Variants in SRPK2 observed in about 807,000 individuals in gnomAD.
SRPK2 encodes SFRS protein kinase 2.
A neutral mutation model predicts 90.8 loss-of-function variants in SRPK2; 21 were observed. The observed-to-expected ratio is 0.23, with a 90% CI of 0.16 to 0.33. The LOEUF (loss-of-function observed/expected upper bound fraction) is 0.33, where lower values mean the gene tolerates loss of function less well. Ranked by LOEUF, SRPK2 falls within the 10% of genes least tolerant of loss-of-function variation. SRPK2 has a pLI of 1.00. For synonymous variants in SRPK2, 288 were observed against 311.1 expected (o/e 0.93, Z 0.78); for missense variants, 620 against 869.0 (o/e 0.71, Z 3.60).
intron 7 of SRPK2, among the ~76,000 whole-genome samples, chr7:105,156,205 T>C (rs1395982712): frequency 6.6e-6 from 1 of 152,208 alleles, no homozygotes; most frequent in Non-Finnish European, 1.5e-5. Context: ...GGTAAACCCA[T>C]GAGCTCTGAA....
intron 2 of SRPK2, among the ~76,000 whole-genome samples, chr7:105,378,243 T>A (rs1264316831): frequency 6.6e-6 from 1 of 152,116 alleles, no homozygotes. Flanking sequence ...CAGTTTAGAA[T>A]GCCCTCCTGA....
intron 11 of SRPK2, among the ~76,000 whole-genome samples, chr7:105,135,599 C>T (rs1255405020): frequency 2.0e-5 from 3 of 152,120 alleles, no homozygotes; most frequent in East Asian, 3.8e-4. Flanking sequence ...GAACAGTAGC[C>T]GAGTTGGCTG....
chr7:105,132,159 C>T (rs1445630770), intron 13 of SRPK2, among the ~76,000 whole-genome samples: 1 of 152,246 alleles, frequency 6.6e-6, no homozygotes, highest in African/African-American at 2.4e-5. Context: ...TCATCTCAAC[C>T]ACTCTGGGAA....
chr7:105,119,848 G>A (rs1307108647), intron 15 of SRPK2, among the ~76,000 whole-genome samples: 5 of 152,162 alleles, frequency 3.3e-5, no homozygotes, highest in African/African-American at 7.2e-5. Context: ...GCAAAATTAC[G>A]AAGAGCCAGT....
intron 2 of SRPK2, among the ~76,000 whole-genome samples, chr7:105,295,935 G>A (rs911343684): frequency 1.3e-5 from 2 of 152,128 alleles, no homozygotes; most frequent in African/African-American, 4.8e-5. Context: ...TATAAACACT[G>A]CTAGCAAATG....
At chr7:105,171,251 T>A (rs891690831) in intron 3 of SRPK2, among the ~76,000 whole-genome samples, 4 of 152,216 alleles carry the variant, frequency 2.6e-5, no homozygotes, top group Non-Finnish European at 5.9e-5. Context: ...ATGGATAATA[T>A]GGTACACTTT....
intron 11 of SRPK2, among the ~76,000 whole-genome samples, chr7:105,137,286 C>A (rs1241374046): frequency 5.3e-5 from 8 of 152,182 alleles, no homozygotes; most frequent in African/African-American, 1.4e-4. Flanking sequence ...TGCCAGGGAA[C>A]ACACTGGAGA....
intron 2 of SRPK2, among the ~76,000 whole-genome samples, chr7:105,386,569 T>C (rs1040019810): frequency 2.6e-5 from 4 of 151,034 alleles, no homozygotes; most frequent in Non-Finnish European, 5.9e-5. Flanking sequence ...ACAAAAAAAA[T>C]AGCTAGGCTT....
At chr7:105,297,957 G>T (rs1810043303) in intron 2 of SRPK2, among the ~76,000 whole-genome samples, 2 of 152,160 alleles carry the variant, frequency 1.3e-5, no homozygotes, top group South Asian at 4.1e-4. Flanking sequence ...GGCCAAGCTG[G>T]TCTCGAACTC....
At position 105,388,648 on chromosome 7, in the gene SRPK2, T is replaced by G. The variant is rs1821944274; in HGVS notation, c.71A>C (p.Lys24Thr). The change falls in exon 2 of 16, where the codon AAG becomes ACG. Residue 24 changes from lysine (K) to threonine (T), a missense_variant and splice_region_variant. Transcript: ENST00000393651. ...GGGGACAGGCGCAGCGTGGACTCAC[T>G]TTTTCGGATGTTTCTCTCTTTTCGG... is the stretch of plus-strand genomic sequence containing the variant. ...RRPKREKHPKKPEPQQKAPLV... is the reference protein window; with the variant it reads ...RRPKREKHPKTPEPQQKAPLV... The G allele has an allele frequency of 1.9e-6, 3 of 1,586,994 alleles. No homozygotes were observed. In the African/African-American group the frequency reaches 4.2e-5, roughly 22 times the overall value.
chr7:105,308,833 C>A (rs183207852), intron 2 of SRPK2, among the ~76,000 whole-genome samples: 2 of 152,136 alleles, frequency 1.3e-5, no homozygotes, highest in Admixed American at 1.3e-4. Flanking sequence ...TAAAACTCCA[C>A]GAAAACTAAA....
chr7:105,320,697 T>C (rs965738030), intron 2 of SRPK2, among the ~76,000 whole-genome samples: 2 of 152,230 alleles, frequency 1.3e-5, no homozygotes, highest in Non-Finnish European at 2.9e-5. Flanking sequence ...AAGACCTTCA[T>C]ATACAGCTTT....
intron 11 of SRPK2, among the ~76,000 whole-genome samples, chr7:105,135,167 T>C (rs1355768589): frequency 6.6e-6 from 1 of 152,188 alleles, no homozygotes; most frequent in Non-Finnish European, 1.5e-5. Flanking sequence ...AAAATGGAAT[T>C]TGAGGTTTGA....
chr7:105,208,818 G>A (rs1202725448), intron 2 of SRPK2, among the ~76,000 whole-genome samples: 1 of 152,052 alleles, frequency 6.6e-6, no homozygotes, highest in East Asian at 1.9e-4. Flanking sequence ...ACTTCAAAAA[G>A]CTATTGTTAA....
chr7:105,260,503 T>C (rs1804062358), intron 2 of SRPK2, among the ~76,000 whole-genome samples: 1 of 152,144 alleles, frequency 6.6e-6, no homozygotes, highest in Non-Finnish European at 1.5e-5. Context: ...GAACTAGAAA[T>C]ACCATTTGAC....
intron 2 of SRPK2, among the ~76,000 whole-genome samples, chr7:105,388,259 G>C (rs984347757): frequency 4.6e-5 from 7 of 151,790 alleles, no homozygotes; most frequent in African/African-American, 1.7e-4. Context: ...CTCCCGCAGC[G>C]GGCGGGCCGG....
intron 2 of SRPK2, chr7:105,204,962 C>A: frequency 3.1e-6 from 1 of 326,318 alleles, no homozygotes; most frequent in South Asian, 2.9e-5. Flanking sequence ...TCCTTTCTCT[C>A]CTCACTGCAG....
chr7:105,167,002 C>G (rs1447941610), intron 6 of SRPK2, among the ~76,000 whole-genome samples: 1 of 152,200 alleles, frequency 6.6e-6, no homozygotes, highest in African/African-American at 2.4e-5. Context: ...TTTGCAGCCA[C>G]TGGGGCACAC....
chr7:105,303,463 T>TAA (rs569579209), intron 2 of SRPK2, among the ~76,000 whole-genome samples: 2 of 148,418 alleles, frequency 1.3e-5, no homozygotes, highest in African/African-American at 4.9e-5. Flanking sequence ...AAAGTATAAT[T>TAA]AAAAAAAAAA....
Sources: allele counts gnomAD v4.1 joint callset (sites outside exome capture counted in the v4.1 genomes callset), GRCh38; gene constraint gnomAD v4.1.1; transcripts MANE v1.5; gene names NCBI Gene and HGNC (gene_info 2026-07-23, HGNC 2026-07-21).